The following DNAH17 variants were observed in gnomAD, a reference collection of about 807,000 sequenced individuals.
The protein encoded by DNAH17 is axonemal beta dynein heavy chain 17.
In DNAH17, 376 loss-of-function variants were observed where a neutral mutation model predicts 485.6. The ratio of observed to expected loss-of-function variants is 0.77; its 90% confidence interval spans 0.71 to 0.84. The LOEUF is 0.84. DNAH17 is among the 40% of genes least tolerant of loss of function. The pLI is 0.00. For synonymous variants in DNAH17, 3,031 were observed against 2,405.9 expected, an observed-to-expected ratio of 1.26 and a Z score of -7.60; for missense variants, 6,370 against 5,839.3, an observed-to-expected ratio of 1.09 and a Z score of -2.96.
At chr17:78,546,328 G>A (rs1315570402) in intron 16 of DNAH17, among the ~76,000 whole-genome samples, 3 of 152,120 alleles carry the variant, frequency 2.0e-5, no homozygotes, top group African/African-American at 4.8e-5. Context: ...TTTCCATTTT[G>A]TTTTAGATAT....
At chr17:78,475,533 C>T (rs1049001298) in intron 53 of DNAH17, 64 bp from the exon 54 acceptor site, 34 of 1,607,608 alleles carry the variant, frequency 2.1e-5, no homozygotes, top group African/African-American at 6.7e-5. Context: ...GTCACCAGCA[C>T]GGACTCTGCA....
At chr17:78,576,421 A>G (rs2092433752) in intron 1 of DNAH17, among the ~76,000 whole-genome samples, 1 of 152,172 alleles carries the variant, frequency 6.6e-6, no homozygotes, top group African/African-American at 2.4e-5. Context: ...ATGGCGGTCC[A>G]CGAGCAAAGC....
At chr17:78,478,100 T>TCACCACCACCACCACCACCACCACCAC (rs1568117881) in intron 51 of DNAH17, among the ~76,000 whole-genome samples, 3 of 55,188 alleles carry the variant, frequency 5.4e-5, no homozygotes, top group Non-Finnish European at 9.9e-5. Flanking sequence ...ACCACCACCA[T>TCACCACCACCACCACCACCACCACCAC]CATCATCATC....
chr17:78,540,567 A>G, intron 17 of DNAH17, among the ~76,000 whole-genome samples: 1 of 106,246 alleles, frequency 9.4e-6, no homozygotes, highest in Non-Finnish European at 1.9e-5. Context: ...GAGTGGATGG[A>G]TGGGTACGTG....
At position 78,475,729 on chromosome 17, in the gene DNAH17, C is replaced by G; in HGVS notation, c.8259G>C (p.Leu2753=). Reference sequence around the variant, plus strand: ...CCAGGACGTCCACGAGGAGCTTGTTCAGAGGAGCCATGTCGGTTACAGGAA... The same window carrying G: ...CCAGGACGTCCACGAGGAGCTTGTTGAGAGGAGCCATGTCGGTTACAGGAA... The part of the protein sequence containing the change: ...KYVPVTDMAP[L]NKLLVDVLDS... Residue 2753 remains leucine, a synonymous_variant, in exon 53 of 81, where the codon CTG becomes CTC. Transcript: ENST00000389840. The G allele has an allele frequency of 6.2e-7, 1 of 1,613,822 alleles. No homozygotes were observed. Among genetic ancestry groups the G allele is most frequent in the Non-Finnish European group, 8.5e-7 (1 of 1,179,806 alleles).
At chr17:78,466,909 G>A (rs1568097350) in intron 55 of DNAH17, 93 bp from the exon 56 acceptor site, 10 of 1,370,940 alleles carry the variant, frequency 7.3e-6, no homozygotes, top group South Asian at 1.6e-5. Flanking sequence ...AGAAAGCAAC[G>A]CGCCCTGCCG....
chr17:78,426,321 G>T, intron 79 of DNAH17, 136 bp downstream of exon 79: 2 of 1,121,860 alleles, frequency 1.8e-6, no homozygotes, highest in Non-Finnish European at 2.4e-6. Flanking sequence ...GGCCCTTCTG[G>T]CCCTGATCTG....
At position 78,454,430 on chromosome 17, in the gene DNAH17, C is replaced by A; in HGVS notation, c.10406+40G>T. ...GGAATGCCTAAGGCGTGCTTCCAAG[C>A]AGAGCCGGGCTTCGGCCCAGGTCCT... On this transcript the variant is annotated intron_variant, in intron 64 of 80. Transcript: ENST00000389840. The A allele has an allele frequency of 1.9e-6, 3 of 1,543,706 alleles. 1 individual carries two copies. In the South Asian group the frequency reaches 3.5e-5, roughly 18 times the overall value.
At chr17:78,528,654 G>A (rs975869500) in intron 22 of DNAH17, among the ~76,000 whole-genome samples, 6 of 152,002 alleles carry the variant, frequency 3.9e-5, no homozygotes, top group African/African-American at 7.2e-5. Flanking sequence ...ATGAGGGAGC[G>A]GGGTCTCCTC....
At chr17:78,510,751 G>GCCCCCCC (rs3031639) in intron 26 of DNAH17, 132 of 378,266 alleles carry the variant, frequency 3.5e-4, no homozygotes, top group African/African-American at 2.6e-3. Context: ...CGGAATTGCG[G>GCCCCCCC]CCCCCCCGCA....
At chr17:78,549,668 C>T (rs1461281568) in intron 16 of DNAH17, among the ~76,000 whole-genome samples, 1 of 152,186 alleles carries the variant, frequency 6.6e-6, no homozygotes, top group Non-Finnish European at 1.5e-5. Flanking sequence ...GACAGTGGGT[C>T]TCAGAGACAG....
At chr17:78,558,061 A>G (rs750065287) in intron 14 of DNAH17, 47 bp downstream of exon 14, 83 of 1,559,060 alleles carry the variant, frequency 5.3e-5, no homozygotes, top group Admixed American at 1.4e-4. Flanking sequence ...CAAAAAACCA[A>G]AACAATACAA....
intron 31 of DNAH17, among the ~76,000 whole-genome samples, chr17:78,504,124 G>A (rs2090403358): frequency 6.6e-6 from 1 of 151,404 alleles, no homozygotes; most frequent in South Asian, 2.1e-4. Flanking sequence ...GGAGTGTAGT[G>A]GCGTGATCTC....
intron 27 of DNAH17, among the ~76,000 whole-genome samples, chr17:78,509,283 AATTT>A (rs2090570295): frequency 6.6e-6 from 1 of 150,886 alleles, no homozygotes; most frequent in South Asian, 2.1e-4. Flanking sequence ...AATTTTTTTA[AATTT>A]ATTTATTTTT....
chr17:78,483,880 TGAGGTCAG>T (rs1419005080), intron 48 of DNAH17, among the ~76,000 whole-genome samples: 9 of 152,100 alleles, frequency 5.9e-5, no homozygotes, highest in Non-Finnish European at 7.4e-5. Context: ...GCGGATCACC[TGAGGTCAG>T]GAGTTCGAGA....
chr17:78,455,517 G>T, intron 63 of DNAH17, 127 bp downstream of exon 63: 1 of 653,650 alleles, frequency 1.5e-6, no homozygotes, highest in Non-Finnish European at 2.4e-6. Flanking sequence ...AATAGAGATG[G>T]GGTTTCACCA....
chr17:78,524,891 A>G, intron 25 of DNAH17, 118 bp downstream of exon 25: 3 of 1,424,770 alleles, frequency 2.1e-6, no homozygotes, highest in Non-Finnish European at 2.8e-6. Flanking sequence ...ACCCAACACC[A>G]GAAACCTTCT....
chr17:78,449,867 G>A (rs941025554), intron 68 of DNAH17: 7 of 437,204 alleles, frequency 1.6e-5, no homozygotes, highest in South Asian at 3.0e-5. Context: ...GTACAGACAG[G>A]GTTTCACCAT....
At chr17:78,558,992 G>A (rs1254005828) in intron 13 of DNAH17, among the ~76,000 whole-genome samples, 3 of 152,172 alleles carry the variant, frequency 2.0e-5, no homozygotes, top group African/African-American at 4.8e-5. Context: ...GACATTCCTG[G>A]TCACCATTAT....
Sources: gnomAD v4.1 joint callset for allele counts (sites outside exome capture counted in the v4.1 genomes callset) on GRCh38, gnomAD v4.1.1 for gene constraint, MANE v1.5 for transcripts, NCBI Gene and HGNC (gene_info 2026-07-23, HGNC 2026-07-21) for gene names.